The following DSCAML1 variants were observed in gnomAD, a reference collection of about 807,000 sequenced individuals.
DSCAML1 encodes cell adhesion molecule DSCAML1.
A neutral mutation model predicts 200.5 loss-of-function variants in DSCAML1; 38 were observed. The ratio of observed to expected loss-of-function variants is 0.19; its 90% CI spans 0.15 to 0.25. The LOEUF (loss-of-function observed/expected upper bound fraction) is 0.25, where lower values mean the gene tolerates loss of function less well. DSCAML1 is among the 10% of genes least tolerant of loss of function. DSCAML1 has a pLI of 1.00. For missense variants in DSCAML1, 2,223 were observed against 2,858.8 expected, an observed-to-expected ratio of 0.78 and a Z score of 5.07; for synonymous variants, 1,215 against 1,165.0, an observed-to-expected ratio of 1.04 and a Z score of -0.87.
chr11:117,674,229 G>T (rs2053165945), intron 3 of DSCAML1, among the ~76,000 whole-genome samples: 1 of 152,196 alleles, frequency 6.6e-6, no homozygotes, highest in African/African-American at 2.4e-5. Context: ...GTGCCTGGCA[G>T]GTGCTGTGGA....
At chr11:117,596,289 A>G (rs1340051918) in intron 3 of DSCAML1, among the ~76,000 whole-genome samples, 1 of 152,092 alleles carries the variant, frequency 6.6e-6, no homozygotes, top group Non-Finnish European at 1.5e-5. Context: ...TTTTGAAACT[A>G]CAAGACTCTG....
intron 1 of DSCAML1, among the ~76,000 whole-genome samples, chr11:117,809,414 G>A (rs557061921): frequency 6.6e-6 from 1 of 152,378 alleles, no homozygotes; most frequent in Admixed American, 6.5e-5. Flanking sequence ...CCCACTACTG[G>A]ATGTGTCTCT....
intron 11 of DSCAML1, among the ~76,000 whole-genome samples, chr11:117,486,400 G>T (rs573187357): frequency 2.0e-5 from 3 of 150,038 alleles, no homozygotes; most frequent in Admixed American, 2.0e-4. Flanking sequence ...TGAAAGTGGC[G>T]GATGGGAAAG....
chr11:117,695,315 C>CTTTTTTTTTTT (rs753748981), intron 3 of DSCAML1, among the ~76,000 whole-genome samples: 107 of 116,674 alleles, frequency 9.2e-4, no homozygotes, highest in Non-Finnish European at 1.1e-3. Flanking sequence ...CTTTCTTTTT[C>CTTTTTTTTTTT]TTTTTTTTTT....
rs114420411 is a variant in DSCAML1 at position 117,631,083 on chromosome 11, G to A, written c.512-98561C>T. Among the ~76,000 whole-genome samples the A allele has an allele frequency of 3.3e-3, 496 of 152,286 alleles. 5 individuals are homozygous for A. Among genetic ancestry groups the A allele is most frequent in the African/African-American group, 0.011 (460 of 41,552 alleles). ...AGGGAGAATGGCAGTGACAAAGGTC[G>A]GGGGAGGGCTGGGTGAAAGGGAAGA... On this transcript the variant is annotated intron_variant, in intron 3 of 32. Transcript: ENST00000651296.
intron 3 of DSCAML1, among the ~76,000 whole-genome samples, chr11:117,565,632 A>G (rs987816830): frequency 6.6e-6 from 1 of 152,194 alleles, no homozygotes; most frequent in Non-Finnish European, 1.5e-5. Flanking sequence ...AAGGGGCTCC[A>G]TGTGGGTGGC....
chr11:117,651,284 G>T (rs961621990), intron 3 of DSCAML1, among the ~76,000 whole-genome samples: 4 of 152,204 alleles, frequency 2.6e-5, no homozygotes, highest in Admixed American at 2.6e-4. Flanking sequence ...CCCTGGCAGG[G>T]GCTGCAGTGG....
At chr11:117,449,282 T>C (rs11216397) in intron 20 of DSCAML1, among the ~76,000 whole-genome samples, 56,547 of 151,846 alleles carry the variant, frequency 0.37, 10,579 homozygotes, top group Admixed American at 0.42. Context: ...CGCTGCTGCT[T>C]GGGTGGGTTG....
intron 3 of DSCAML1, among the ~76,000 whole-genome samples, chr11:117,622,683 G>T (rs2051957322): frequency 6.6e-6 from 1 of 152,024 alleles, no homozygotes; most frequent in South Asian, 2.1e-4. Context: ...TGATCCACTG[G>T]GGATGACGGG....
At position 117,528,298 on chromosome 11, in the gene DSCAML1, C is replaced by T. The variant is rs146692981; in HGVS notation, c.659-3215G>A. 1.2e-3 allele frequency among the ~76,000 whole-genome samples: 186 copies of T among 149,438 alleles called. 1 individual carries two copies. Among genetic ancestry groups the T allele is most frequent in the Middle Eastern group, 6.9e-3 (2 of 288 alleles). ...CTGCAGAATTTACAAGCGGAGGGGCCATCAGGGTGGTGGAGGAAGGGGCGG... is the reference window on the plus strand; with the variant it reads ...CTGCAGAATTTACAAGCGGAGGGGCTATCAGGGTGGTGGAGGAAGGGGCGG... On this transcript the variant is annotated intron_variant, in intron 4 of 32. Coordinates refer to ENST00000651296, the MANE Select transcript of DSCAML1 (RefSeq NM_020693.4).
chr11:117,506,597 C>T (rs1053820014), intron 8 of DSCAML1, among the ~76,000 whole-genome samples: 1 of 145,816 alleles, frequency 6.9e-6, no homozygotes, highest in African/African-American at 2.6e-5. Flanking sequence ...TGCTCTGTCA[C>T]CCAGGCGGGA....
intron 1 of DSCAML1, among the ~76,000 whole-genome samples, chr11:117,792,749 T>G (rs192942806): frequency 6.6e-6 from 1 of 152,250 alleles, no homozygotes; most frequent in African/African-American, 2.4e-5. Context: ...GGCCCTGGAT[T>G]TCTATAGCTA....
chr11:117,547,162 C>T (rs995694857), intron 3 of DSCAML1, among the ~76,000 whole-genome samples: 11 of 152,168 alleles, frequency 7.2e-5, no homozygotes, highest in African/African-American at 1.4e-4. Context: ...GGCCCTCGTC[C>T]GCTGCACATG....
chr11:117,475,604 C>A (rs2048774504), intron 14 of DSCAML1, among the ~76,000 whole-genome samples: 1 of 152,212 alleles, frequency 6.6e-6, no homozygotes, highest in Non-Finnish European at 1.5e-5. Flanking sequence ...CCCAGTTTCA[C>A]ATGTGTTGGG....
At chr11:117,776,968 G>A in intron 2 of DSCAML1, 31 bp from the exon 3 acceptor site, 1 of 1,611,972 alleles carries the variant, frequency 6.2e-7, no homozygotes, top group Non-Finnish European at 8.5e-7. Context: ...GGGAAGAGAA[G>A]AGTGTCACAA....
chr11:117,490,493 C>T (rs1011532563), intron 11 of DSCAML1, among the ~76,000 whole-genome samples: 4 of 152,150 alleles, frequency 2.6e-5, no homozygotes, highest in Non-Finnish European at 5.9e-5. Context: ...TCCTACTTGG[C>T]CCCTACTTAG....
At chr11:117,795,681 T>C (rs1340440918) in intron 1 of DSCAML1, among the ~76,000 whole-genome samples, 1 of 152,118 alleles carries the variant, frequency 6.6e-6, no homozygotes, top group East Asian at 1.9e-4. Flanking sequence ...ATCTGGGCCT[T>C]GAGTCTGGCT....
chr11:117,776,867 C>G lies in DSCAML1; in HGVS notation c.435G>C (p.Lys145Asn). The change falls in exon 3 of 33, where the codon AAG becomes AAC. Residue 145 changes from lysine (K) to asparagine (N), a missense_variant. Around this residue, in one of 7 missense-constraint regions of DSCAML1, gnomAD observed 579 missense variants for 721.5 expected, o/e 0.80. Coordinates refer to ENST00000651296, the MANE Select transcript of DSCAML1 (RefSeq NM_020693.4). Reference sequence around the variant, plus strand: ...CCTGCACTGAAGAGGGGATGAGGCACTTGAAGACGGCCACGTTGCCACGCA... The same window carrying G: ...CCTGCACTGAAGAGGGGATGAGGCAGTTGAAGACGGCCACGTTGCCACGCA... Reference protein sequence around the residue: ...RSMRGNVAVFKCLIPSSVQEY... With the variant: ...RSMRGNVAVFNCLIPSSVQEY... 1 of 1,614,188 alleles carries G rather than the reference C, an allele frequency of 6.2e-7. No individual in the cohort carries two copies. The highest frequency in any genetic ancestry group is 8.5e-7 in the Non-Finnish European group (1 of 1,180,034).
In DSCAML1 at chr11:117,477,336, T is replaced by C. The variant is rs979377777; in HGVS notation, c.2785+3107A>G. Among the ~76,000 whole-genome samples the C allele has an allele frequency of 2.0e-5, 3 of 148,300 alleles. No individual in the cohort carries two copies. The Admixed American group carries it at 2.0e-4, about 10-fold the overall frequency. On this transcript the variant is annotated intron_variant, in intron 14 of 32. Coordinates refer to ENST00000651296, the MANE Select transcript of DSCAML1 (RefSeq NM_020693.4). Reference sequence around the variant, plus strand: ...TTATACTTGATTGGATAGTGCTTTGTAATGGTTCTGAAAGTGTGTGTGTGT... The same window carrying C: ...TTATACTTGATTGGATAGTGCTTTGCAATGGTTCTGAAAGTGTGTGTGTGT...
Sources: allele counts gnomAD v4.1 joint callset (sites outside exome capture counted in the v4.1 genomes callset), GRCh38; gene constraint gnomAD v4.1.1; regional missense constraint gnomAD v4.1.1; transcripts MANE v1.5; gene names NCBI Gene and HGNC (gene_info 2026-07-23, HGNC 2026-07-21).